Variants in FARP2 observed in about 807,000 individuals in gnomAD.
FARP2 encodes FERM, ARH/RhoGEF and pleckstrin domain protein 2.
A neutral mutation model predicts 130.5 loss-of-function variants in FARP2; 111 were observed. The observed-to-expected ratio is 0.85, with a 90% confidence interval of 0.73 to 1.00. The LOEUF (loss-of-function observed/expected upper bound fraction) is 1.00. Ranked by LOEUF, FARP2 falls within the 50% of genes least tolerant of loss-of-function variation. The pLI, the probability that FARP2 is intolerant of heterozygous loss-of-function variation, is 0.00. For synonymous variants in FARP2, 504 were observed against 516.9 expected (o/e 0.98, Z 0.34); for missense variants, 1,385 against 1,346.3 (o/e 1.03, Z -0.45).
At position 241,491,078 on chromosome 2, in the gene FARP2, A is replaced by G. The variant is rs751041850; in HGVS notation, c.2522A>G (p.Glu841Gly). ...VVAASTRLEK[E>G]KWMLDLNSAI... The stretch of plus-strand genomic sequence containing the variant: ...CCCTGCAGCACTCGGCTGGAGAAAG[A>G]GAAGTGGATGCTGGACCTGAACTCC... Residue 841 changes from glutamate (E) to glycine (G), a missense_variant, in exon 23 of 27, where the codon GAG becomes GGG. Coordinates refer to ENST00000264042, the MANE Select transcript of FARP2 (RefSeq NM_014808.4). 1 of 1,613,498 alleles carries G rather than the reference A, an allele frequency of 6.2e-7. No homozygotes were observed. Among genetic ancestry groups the G allele is most frequent in the East Asian group, 2.2e-5 (1 of 44,842 alleles).
At position 241,373,073 on chromosome 2, in the gene FARP2, T is replaced by C; in HGVS notation, c.-24-11T>C. On this transcript the variant is annotated splice_polypyrimidine_tract_variant and intron_variant, in intron 1 of 26. Coordinates refer to ENST00000264042, the MANE Select transcript of FARP2 (RefSeq NM_014808.4). ...AATTCCTTCATGTGGTTTTTTTTTTTTTCATTTTAGTGTTTTCTTCACTCA... is the reference window on the plus strand; with the variant it reads ...AATTCCTTCATGTGGTTTTTTTTTTCTTCATTTTAGTGTTTTCTTCACTCA... The C allele has an allele frequency of 1.5e-6, 2 of 1,311,284 alleles. No homozygotes were observed. The highest frequency in any genetic ancestry group is 2.3e-4 in the Middle Eastern group (1 of 4,410). 81.2% of individuals were successfully genotyped at this position (1,311,284 alleles called of 1,614,324 possible).
intron 19 of FARP2, chr2:241,478,928 T>C (rs2064544411): frequency 2.4e-6 from 1 of 409,100 alleles, no homozygotes; most frequent in Non-Finnish European, 4.7e-6. Flanking sequence ...CAACACCCCA[T>C]ACAGTATGGC....
intron 13 of FARP2, chr2:241,445,992 A>G (rs2063506262): frequency 6.6e-6 from 1 of 152,348 alleles, no homozygotes; most frequent in East Asian, 1.9e-4. Flanking sequence ...TGTTGGACCC[A>G]TGAAGTCCAC....
chr2:241,419,244 A>G (rs2062749708), intron 8 of FARP2, among the ~76,000 whole-genome samples: 1 of 152,222 alleles, frequency 6.6e-6, no homozygotes, highest in Non-Finnish European at 1.5e-5. Context: ...TTAGAGAGCA[A>G]TAAAAATCCA....
chr2:241,490,604 C>T (rs1201456769), intron 22 of FARP2, among the ~76,000 whole-genome samples: 6 of 152,180 alleles, frequency 3.9e-5, no homozygotes, highest in Admixed American at 1.3e-4. Flanking sequence ...GATGCAGGGG[C>T]CCCTGCATGG....
intron 13 of FARP2, chr2:241,444,073 C>T (rs925262799): frequency 7.9e-5 from 12 of 152,212 alleles, no homozygotes; most frequent in African/African-American, 2.7e-4. Context: ...TTTGTTATAC[C>T]TAAACCGCAG....
At chr2:241,406,462 A>T (rs973840559) in intron 4 of FARP2, among the ~76,000 whole-genome samples, 29 of 151,242 alleles carry the variant, frequency 1.9e-4, no homozygotes, top group African/African-American at 7.1e-4. Flanking sequence ...TTGTGTGTGG[A>T]GGGGTGGGCA....
At chr2:241,487,901 C>A (rs2064797363) in intron 21 of FARP2, among the ~76,000 whole-genome samples, 1 of 151,576 alleles carries the variant, frequency 6.6e-6, no homozygotes, top group Non-Finnish European at 1.5e-5. Context: ...GCGCCCGCCA[C>A]CACGCCTGGC....
intron 19 of FARP2, among the ~76,000 whole-genome samples, chr2:241,480,736 A>C (rs954903387): frequency 2.6e-5 from 4 of 152,148 alleles, no homozygotes; most frequent in African/African-American, 9.7e-5. Context: ...CCAGGGTATG[A>C]AGATTTACCC....
chr2:241,369,749 G>A (rs527378293), intron 1 of FARP2, among the ~76,000 whole-genome samples: 1 of 152,258 alleles, frequency 6.6e-6, no homozygotes, highest in Admixed American at 6.5e-5. Flanking sequence ...AATGCCTTTG[G>A]TGACCAAAGT....
chr2:241,427,167 C>G (rs536873718), intron 8 of FARP2, among the ~76,000 whole-genome samples: 20 of 152,066 alleles, frequency 1.3e-4, no homozygotes, highest in African/African-American at 4.8e-4. Flanking sequence ...TCCAGGAGGC[C>G]GAGGTTACAG....
intron 21 of FARP2, among the ~76,000 whole-genome samples, chr2:241,484,877 G>A (rs141425392): frequency 9.9e-5 from 15 of 152,262 alleles, no homozygotes; most frequent in Non-Finnish European, 1.3e-4. Flanking sequence ...CACTTGCCCT[G>A]AGCGTGTCCC....
At chr2:241,429,659 G>A (rs2150393572) in intron 8 of FARP2, among the ~76,000 whole-genome samples, 1 of 152,124 alleles carries the variant, frequency 6.6e-6, no homozygotes. Flanking sequence ...TGAAGCAGGA[G>A]GATCACTTGA....
chr2:241,476,735 AC>A (rs1319897831), intron 19 of FARP2, among the ~76,000 whole-genome samples: 6 of 152,184 alleles, frequency 3.9e-5, no homozygotes, highest in Non-Finnish European at 7.3e-5. Context: ...ATATATACAT[AC>A]ATACACACAT....
intron 20 of FARP2, 39 bp from the exon 21 acceptor site, chr2:241,484,199 CTTGT>C: frequency 1.9e-6 from 3 of 1,612,932 alleles, no homozygotes; most frequent in Non-Finnish European, 2.5e-6. Flanking sequence ...TATTAAGACA[CTTGT>C]TTGTGAAGTT....
chr2:241,431,514 A>G (rs2063089507), intron 8 of FARP2, among the ~76,000 whole-genome samples, 165 bp from the exon 9 acceptor site: 1 of 152,194 alleles, frequency 6.6e-6, no homozygotes, highest in Admixed American at 6.5e-5. Context: ...CAGATAGATT[A>G]ATATGTTTAG....
At chr2:241,450,456 A>G (rs2063622402) in intron 13 of FARP2, among the ~76,000 whole-genome samples, 1 of 149,866 alleles carries the variant, frequency 6.7e-6, no homozygotes, top group East Asian at 2.0e-4. Flanking sequence ...TCACGAGGTC[A>G]GGAGTTCAAG....
At chr2:241,368,295 C>T (rs1185360224) in intron 1 of FARP2, among the ~76,000 whole-genome samples, 1 of 152,030 alleles carries the variant, frequency 6.6e-6, no homozygotes, top group South Asian at 2.1e-4. Flanking sequence ...GAGTCCCCCA[C>T]AGATTCTTGG....
At chr2:241,440,787 A>G (rs1172999129) in intron 12 of FARP2, among the ~76,000 whole-genome samples, 3 of 152,206 alleles carry the variant, frequency 2.0e-5, no homozygotes. Context: ...ACCCCTCAAC[A>G]AAACTATGAA....
Sources: gnomAD v4.1 joint callset for allele counts (sites outside exome capture counted in the v4.1 genomes callset) on GRCh38, gnomAD v4.1.1 for gene constraint, MANE v1.5 for transcripts, NCBI Gene and HGNC (gene_info 2026-07-23, HGNC 2026-07-21) for gene names.